The following SLIT2 variants were observed in gnomAD, a reference collection of about 807,000 sequenced individuals.
SLIT2 encodes slit guidance ligand 2, also known as slit homolog 2 protein.
Under a neutral mutation model 185.7 loss-of-function variants are expected in SLIT2, and 41 were observed. The ratio of observed to expected loss-of-function variants is 0.22; its 90% CI spans 0.17 to 0.29. The LOEUF (loss-of-function observed/expected upper bound fraction) is 0.29. SLIT2 is among the 10% of genes least tolerant of loss of function. SLIT2 has a pLI of 1.00. For synonymous variants in SLIT2, 693 were observed against 680.2 expected, an observed-to-expected ratio of 1.02 and a Z score of -0.29; for missense variants, 1,571 against 1,909.0, an observed-to-expected ratio of 0.82 and a Z score of 3.30.
chr4:20,413,268 T>C (rs1727394277), intron 4 of SLIT2, among the ~76,000 whole-genome samples: 1 of 152,098 alleles, frequency 6.6e-6, no homozygotes, highest in African/African-American at 2.4e-5. Context: ...TTCACATATT[T>C]GTGAATTTCC....
Position 20,595,655 on chromosome 4 carries a change from G to A in SLIT2, c.3183-42G>A, listed in dbSNP as rs199747543. 33 of 1,605,754 alleles carry A rather than the reference G, an allele frequency of 2.1e-5. No individual in the cohort carries two copies. In the African/African-American group the frequency reaches 4.4e-4, roughly 21 times the overall value. Reference sequence around the variant, plus strand: ...ATAAAATGCATTGTTTACTTATTTTGGCTCAGTTGGGTTTGAAACCATTAC... The same window carrying A: ...ATAAAATGCATTGTTTACTTATTTTAGCTCAGTTGGGTTTGAAACCATTAC... On this transcript the variant is annotated intron_variant, in intron 30 of 36. Transcript: ENST00000504154.
intron 4 of SLIT2, among the ~76,000 whole-genome samples, chr4:20,279,341 C>T (rs1376714570): frequency 3.3e-5 from 5 of 152,134 alleles, no homozygotes; most frequent in African/African-American, 4.8e-5. Context: ...GCAGATCTAC[C>T]GTATCTCAAG....
chr4:20,562,076 C>T (rs1724737986), intron 26 of SLIT2, among the ~76,000 whole-genome samples: 1 of 151,714 alleles, frequency 6.6e-6, no homozygotes, highest in Non-Finnish European at 1.5e-5. Context: ...GTAATTTAGC[C>T]TTTGTGTTTT....
chr4:20,432,001 CTGTG>C lies in SLIT2; in HGVS notation c.396-35740_396-35737del, dbSNP rs56154477. Among the ~76,000 whole-genome samples, 64 of 150,836 alleles carry C rather than the reference CTGTG, an allele frequency of 4.2e-4. 1 individual carries two copies. The South Asian group carries it at 0.012, about 28-fold the overall frequency. ...TGTGTGTGTGTAAATCTCTCACTCT[CTGTG>C]TGTGTGTGTGCTTGTGTGTGTGAGA... On this transcript the variant is annotated intron_variant, in intron 4 of 36. Coordinates refer to ENST00000504154, the MANE Select transcript of SLIT2 (RefSeq NM_004787.4).
chr4:20,474,298 A>G (rs139799708), intron 5 of SLIT2, among the ~76,000 whole-genome samples: 156 of 152,142 alleles, frequency 1.0e-3, no homozygotes, highest in African/African-American at 3.6e-3. Flanking sequence ...AGATGTCCCC[A>G]TCAGTACTAT....
chr4:20,486,382 A>G, intron 7 of SLIT2, 111 bp downstream of exon 7: 1 of 651,094 alleles, frequency 1.5e-6, no homozygotes, highest in Non-Finnish European at 2.7e-6. Context: ...GTAGACAAGG[A>G]AAACCCAACT....
At chr4:20,571,688 A>G (rs1485065798) in intron 29 of SLIT2, among the ~76,000 whole-genome samples, 1 of 152,214 alleles carries the variant, frequency 6.6e-6, no homozygotes, top group Non-Finnish European at 1.5e-5. Flanking sequence ...TGGGAGCAGA[A>G]GCCCTGCTAT....
chr4:20,375,839 T>G (rs1446687784), intron 4 of SLIT2, among the ~76,000 whole-genome samples: 1 of 152,114 alleles, frequency 6.6e-6, no homozygotes, highest in African/African-American at 2.4e-5. Flanking sequence ...CTATGTGCTT[T>G]CATTTTAAAA....
At chr4:20,569,049 T>C (rs1725336747) in intron 29 of SLIT2, 45 bp downstream of exon 29, 1 of 1,507,894 alleles carries the variant, frequency 6.6e-7, no homozygotes, top group Admixed American at 1.7e-5. Flanking sequence ...GTATATCTGT[T>C]TGAAAGCATC....
chr4:20,252,718 T>C lies in SLIT2; in HGVS notation c.-1098T>C, dbSNP rs1011141423. On this transcript the variant is annotated 5_prime_UTR_variant, in exon 1 of 37. Coordinates refer to ENST00000504154, the MANE Select transcript of SLIT2 (RefSeq NM_004787.4). ...GACACGCGCGCACACACTACTGCCA[T>C]TCAGCTGCCGCCTGGCTCTGCCTGG... Among the ~76,000 whole-genome samples the C allele has an allele frequency of 4.6e-5, 7 of 152,200 alleles. No homozygotes were observed.
intron 4 of SLIT2, among the ~76,000 whole-genome samples, chr4:20,346,331 T>C (rs958924884): frequency 1.3e-5 from 2 of 152,120 alleles, no homozygotes; most frequent in Non-Finnish European, 2.9e-5. Context: ...TTCTTGTATA[T>C]GAGAAGCTGT....
At chr4:20,485,503 G>C (rs1560466301) in intron 6 of SLIT2, among the ~76,000 whole-genome samples, 1 of 152,078 alleles carries the variant, frequency 6.6e-6, no homozygotes, top group Non-Finnish European at 1.5e-5. Flanking sequence ...ACATATTCCT[G>C]GATCTGCTAC....
At chr4:20,298,503 C>A (rs531816302) in intron 4 of SLIT2, among the ~76,000 whole-genome samples, 31 of 152,266 alleles carry the variant, frequency 2.0e-4, no homozygotes, top group Non-Finnish European at 4.3e-4. Flanking sequence ...CACCAGAGTT[C>A]TCTTGTGGAC....
intron 9 of SLIT2, among the ~76,000 whole-genome samples, chr4:20,505,814 C>T (rs184793862): frequency 4.9e-4 from 75 of 151,914 alleles, no homozygotes; most frequent in Admixed American, 1.6e-3. Context: ...GACACCAGAA[C>T]GTGTTATATA....
chr4:20,472,386 G>GAGATA lies in SLIT2; in HGVS notation c.467+4563_467+4564insAGATA, dbSNP rs1560453735. 4.4e-4 allele frequency among the ~76,000 whole-genome samples: 17 copies of GAGATA among 38,402 alleles called. 1 individual carries two copies. Among genetic ancestry groups the GAGATA allele is most frequent in the African/African-American group, 5.7e-4 (4 of 7,018 alleles). The allele number at this position is 38,402 out of a possible 152,430, so 25.2% of individuals were successfully genotyped here. Reference sequence around the variant, plus strand: ...TATAGATATCTATATCTATATATATGTAGATATATAGATATAGATATCTAT... The same window carrying GAGATA: ...TATAGATATCTATATCTATATATATGAGATATAGATATATAGATATAGATATCTAT... On this transcript the variant is annotated intron_variant, in intron 5 of 36. Transcript: ENST00000504154.
At chr4:20,477,999 A>C (rs1398787969) in intron 5 of SLIT2, among the ~76,000 whole-genome samples, 1 of 152,196 alleles carries the variant, frequency 6.6e-6, no homozygotes, top group African/African-American at 2.4e-5. Flanking sequence ...TGAAACAAAA[A>C]GAGTGCAGCT....
intron 4 of SLIT2, among the ~76,000 whole-genome samples, chr4:20,287,465 A>T (rs1469413605): frequency 6.6e-6 from 1 of 152,134 alleles, no homozygotes; most frequent in East Asian, 1.9e-4. Flanking sequence ...TGTTAACAGG[A>T]TGTCTTATAC....
chr4:20,575,195 A>G (rs532514024), intron 29 of SLIT2, among the ~76,000 whole-genome samples: 4 of 152,318 alleles, frequency 2.6e-5, no homozygotes, highest in South Asian at 2.1e-4. Flanking sequence ...TTAAATCGCC[A>G]TGTGGTTTCA....
At chr4:20,489,272 T>G (rs1400239823) in intron 8 of SLIT2, among the ~76,000 whole-genome samples, 1 of 152,212 alleles carries the variant, frequency 6.6e-6, no homozygotes, top group Non-Finnish European at 1.5e-5. Context: ...TGATTTTTTA[T>G]TTTCCCATTA....
Sources: gnomAD v4.1 joint callset for allele counts (sites outside exome capture counted in the v4.1 genomes callset) on GRCh38, gnomAD v4.1.1 for gene constraint, MANE v1.5 for transcripts, NCBI Gene and HGNC (gene_info 2026-07-23, HGNC 2026-07-21) for gene names.